The following WRN variants were observed in gnomAD, a reference collection of about 807,000 sequenced individuals.
WRN encodes the protein WRN RecQ like helicase, also known as bifunctional 3'-5' exonuclease/ATP-dependent helicase WRN.
In WRN, 149 loss-of-function variants were observed where a neutral mutation model predicts 180.7. The ratio of observed to expected loss-of-function variants is 0.82; its 90% CI spans 0.72 to 0.94. The LOEUF (loss-of-function observed/expected upper bound fraction) is 0.94, where lower values mean the gene tolerates loss of function less well. Ranked by LOEUF, WRN falls within the 40% of genes least tolerant of loss-of-function variation. The pLI is 0.00. For synonymous variants in WRN, 548 were observed against 568.9 expected, an observed-to-expected ratio of 0.96 and a Z score of 0.52; for missense variants, 1,661 against 1,700.1, an observed-to-expected ratio of 0.98 and a Z score of 0.40.
chr8:31,059,556 ACTT>A (rs1212610483), intron 3 of WRN, among the ~76,000 whole-genome samples: 2 of 152,156 alleles, frequency 1.3e-5, no homozygotes, highest in Admixed American at 6.5e-5. Flanking sequence ...AACTTTCAGT[ACTT>A]AAGATGTTAT....
intron 8 of WRN, 104 bp downstream of exon 8, chr8:31,076,391 G>T: frequency 9.8e-7 from 1 of 1,017,364 alleles, no homozygotes; most frequent in South Asian, 1.4e-5. Flanking sequence ...CTGACTCATA[G>T]AAATTTGCTT....
In WRN at chr8:31,115,543, A is replaced by G. The variant is rs1017320292; in HGVS notation, c.2274-811A>G. Reference sequence around the variant, plus strand: ...TGTTTACATTTATCTTTTGGCCAATAAGCAAATATTTTTGTAAATTAGAAT... The same window carrying G: ...TGTTTACATTTATCTTTTGGCCAATGAGCAAATATTTTTGTAAATTAGAAT... On this transcript the variant is annotated intron_variant, in intron 19 of 34. Transcript: ENST00000298139. 3.3e-5 allele frequency among the ~76,000 whole-genome samples: 5 copies of G among 152,190 alleles called. No individual in the cohort carries two copies. In the East Asian group the frequency reaches 7.7e-4, roughly 23 times the overall value.
intron 21 of WRN, among the ~76,000 whole-genome samples, chr8:31,121,945 A>C (rs1197804283): frequency 6.6e-6 from 1 of 151,984 alleles, no homozygotes; most frequent in Non-Finnish European, 1.5e-5. Context: ...AATATGGAAT[A>C]TATCAAACAT....
At chr8:31,102,392 A>G (rs748882866) in intron 18 of WRN, among the ~76,000 whole-genome samples, 1 of 152,234 alleles carries the variant, frequency 6.6e-6, no homozygotes, top group Admixed American at 6.5e-5. Context: ...AACAACAGGG[A>G]TATGTTCTGA....
intron 18 of WRN, among the ~76,000 whole-genome samples, chr8:31,101,712 G>C (rs1387668037): frequency 6.6e-6 from 1 of 150,538 alleles, no homozygotes; most frequent in African/African-American, 2.5e-5. Flanking sequence ...GCTTGAACTC[G>C]GGAGGTGGAG....
chr8:31,075,013 T>C lies in WRN; in HGVS notation c.725-1160T>C, dbSNP rs144020087. On this transcript the variant is annotated intron_variant, in intron 7 of 34. Transcript: ENST00000298139. ...ATTGGCAATTATAAGGTCAACGGTA[T>C]GACTATGGAATTGAGTGGCTAAGGT... Among the ~76,000 whole-genome samples the C allele has an allele frequency of 1.3e-3, 198 of 152,280 alleles. 2 individuals are homozygous for C. The highest frequency in any genetic ancestry group is 4.5e-3 in the African/African-American group (185 of 41,560).
At chr8:31,166,250 A>T (rs1231887465) in intron 33 of WRN, among the ~76,000 whole-genome samples, 9 of 152,202 alleles carry the variant, frequency 5.9e-5, no homozygotes, top group South Asian at 4.1e-4. Context: ...AATTAGGTGA[A>T]GATGAGTGAG....
At chr8:31,054,654 A>G (rs1812194172) in intron 1 of WRN, among the ~76,000 whole-genome samples, 1 of 152,262 alleles carries the variant, frequency 6.6e-6, no homozygotes, top group African/African-American at 2.4e-5. Flanking sequence ...AGCAAATCAT[A>G]ATACGTTATT....
intron 1 of WRN, among the ~76,000 whole-genome samples, chr8:31,057,676 A>G (rs1812324855): frequency 6.6e-6 from 1 of 152,122 alleles, no homozygotes; most frequent in South Asian, 2.1e-4. Flanking sequence ...AACTAAGGCT[A>G]TTTTATTTGA....
chr8:31,056,603 A>T (rs1812285354), intron 1 of WRN, among the ~76,000 whole-genome samples: 1 of 152,156 alleles, frequency 6.6e-6, no homozygotes, highest in South Asian at 2.1e-4. Flanking sequence ...AACCGTGAGA[A>T]ACAAATTACA....
chr8:31,127,407 C>T (rs920013570), intron 23 of WRN, among the ~76,000 whole-genome samples: 2 of 152,050 alleles, frequency 1.3e-5, no homozygotes, highest in East Asian at 3.9e-4. Context: ...ACCAATTTGC[C>T]TATGTTAATT....
At chr8:31,117,226 G>A (rs1399489877) in intron 20 of WRN, among the ~76,000 whole-genome samples, 1 of 152,182 alleles carries the variant, frequency 6.6e-6, no homozygotes, top group African/African-American at 2.4e-5. Context: ...TAATGTGAGG[G>A]AAAAGGAGGT....
intron 1 of WRN, among the ~76,000 whole-genome samples, chr8:31,038,395 C>T (rs1811527023): frequency 6.6e-6 from 1 of 151,424 alleles, no homozygotes; most frequent in South Asian, 2.1e-4. Flanking sequence ...TCTATTAAGT[C>T]CTTTGCCCAT....
intron 3 of WRN, among the ~76,000 whole-genome samples, chr8:31,060,020 C>A (rs970821796): frequency 6.6e-6 from 1 of 151,870 alleles, no homozygotes; most frequent in African/African-American, 2.4e-5. Flanking sequence ...TGCATCACTG[C>A]ACTCCAGCCT....
Position 31,081,312 on chromosome 8 carries a change from G to A in WRN, c.1269+16G>A, listed in dbSNP as rs766871089. ...ATCTACTGAGGTACTAAATAAAGAG[G>A]AAGCACATTTTTAGTTATTAGTAGG... On this transcript the variant is annotated intron_variant, in intron 9 of 34. Transcript: ENST00000298139. The A allele has an allele frequency of 1.4e-5, 23 of 1,612,178 alleles. 1 individual carries two copies. Among genetic ancestry groups the A allele is most frequent in the Non-Finnish European group, 1.7e-5 (20 of 1,178,836 alleles).
chr8:31,064,830 C>T lies in WRN; in HGVS notation c.356-85C>T, dbSNP rs2725346. ...AAAATTACTGTTAAATACAAATTTA[C>T]ACATAAACATGGTATGTATAAGAAG... On this transcript the variant is annotated intron_variant, in intron 4 of 34. Coordinates refer to ENST00000298139, the MANE Select transcript of WRN (RefSeq NM_000553.6). 1,444,736 of 1,457,262 alleles carry T rather than the reference C, an allele frequency of 0.99. 716,794 individuals carry two copies. The highest frequency in any genetic ancestry group is 1 in the East Asian group (42,428 of 42,428). The allele number at this position is 1,457,262 out of a possible 1,614,324, so 90.3% of individuals were successfully genotyped here.
In WRN at chr8:31,132,477, G is replaced by C; in HGVS notation, c.2938G>C (p.Gly980Arg). ...CATCTTAGGCGAAAAATTTGGAATT[G>C]GGCTTCCAATTTTATTTCTCCGAGG... ...VDILGEKFGIGLPILFLRGSN... is the reference protein window; with the variant it reads ...VDILGEKFGIRLPILFLRGSN... The change falls in exon 24 of 35, where the codon GGG (glycine) becomes CGG (arginine). Residue 980 changes from glycine to arginine, a missense_variant. This residue lies in a region of WRN where 1,141 missense variants were observed against 1,149.4 expected (regional missense o/e 0.99). Coordinates refer to ENST00000298139, the MANE Select transcript of WRN (RefSeq NM_000553.6). 1 of 1,614,062 alleles carries C rather than the reference G, an allele frequency of 6.2e-7. No individual in the cohort carries two copies. Among genetic ancestry groups the C allele is most frequent in the Non-Finnish European group, 8.5e-7 (1 of 1,179,998 alleles).
chr8:31,162,956 A>C (rs891113880), intron 33 of WRN, among the ~76,000 whole-genome samples: 1 of 152,316 alleles, frequency 6.6e-6, no homozygotes, highest in South Asian at 2.1e-4. Context: ...TCTAAATATG[A>C]TTATTTTTAT....
intron 1 of WRN, among the ~76,000 whole-genome samples, chr8:31,045,167 A>G (rs537905719): frequency 4.0e-4 from 61 of 152,168 alleles, no homozygotes; most frequent in Non-Finnish European, 6.9e-4. Flanking sequence ...TCAAATTTCC[A>G]TATTTACATG....
Sources: allele counts gnomAD v4.1 joint callset (sites outside exome capture counted in the v4.1 genomes callset), GRCh38; gene constraint gnomAD v4.1.1; regional missense constraint gnomAD v4.1.1; transcripts MANE v1.5; gene names NCBI Gene and HGNC (gene_info 2026-07-23, HGNC 2026-07-21).